FAM227B: variants seen among roughly 807,000 people sequenced by gnomAD.
FAM227B encodes the protein family with sequence similarity 227 member B, also known as protein FAM227B.
In FAM227B, 88 loss-of-function variants were observed where a neutral mutation model predicts 73.8. That is an observed-to-expected ratio of 1.19 (90% CI 1.00 to 1.42). FAM227B has a LOEUF of 1.42. Among genes scored for constraint, FAM227B ranks in the 40% most tolerant of loss-of-function variants. The probability of loss-of-function intolerance (pLI) is 0.00; values close to 1 mark genes in which losing one functional copy is unlikely to be tolerated. For synonymous variants in FAM227B, 210 were observed against 190.5 expected, an observed-to-expected ratio of 1.10 and a Z score of -0.84; for missense variants, 632 against 590.9, an observed-to-expected ratio of 1.07 and a Z score of -0.72.
At chr15:49,354,405 G>A (rs1040541327) in intron 13 of FAM227B, among the ~76,000 whole-genome samples, 24 of 152,168 alleles carry the variant, frequency 1.6e-4, no homozygotes, top group African/African-American at 4.8e-4. Context: ...TGCGTGAGCC[G>A]AAGCAGGGCG....
intron 8 of FAM227B, among the ~76,000 whole-genome samples, chr15:49,572,378 T>C (rs1458418928): frequency 6.6e-6 from 1 of 152,120 alleles, no homozygotes; most frequent in African/African-American, 2.4e-5. Flanking sequence ...TGTAAGAATT[T>C]ACAGCTATAA....
intron 11 of FAM227B, among the ~76,000 whole-genome samples, chr15:49,450,410 C>G (rs1405906014): frequency 1.3e-5 from 2 of 152,002 alleles, no homozygotes; most frequent in African/African-American, 4.8e-5. Flanking sequence ...TTCCCTTATA[C>G]TGACCCTTCA....
At chr15:49,581,864 C>A (rs1278600873) in intron 5 of FAM227B, among the ~76,000 whole-genome samples, 4 of 152,144 alleles carry the variant, frequency 2.6e-5, no homozygotes, top group African/African-American at 4.8e-5. Flanking sequence ...AGTACCCACA[C>A]AATCAAGTCT....
At chr15:49,432,411 G>A (rs1226898399) in intron 11 of FAM227B, among the ~76,000 whole-genome samples, 2 of 151,612 alleles carry the variant, frequency 1.3e-5, no homozygotes, top group Non-Finnish European at 3.0e-5. Context: ...ATTTCTCTGA[G>A]TCTATACTAT....
chr15:49,421,632 T>C (rs951264394), intron 11 of FAM227B, among the ~76,000 whole-genome samples: 3 of 152,232 alleles, frequency 2.0e-5, no homozygotes, highest in Admixed American at 6.5e-5. Context: ...GTTTAAAAAC[T>C]GTAGGTTCAG....
intron 11 of FAM227B, among the ~76,000 whole-genome samples, chr15:49,490,822 A>C (rs910602218): frequency 1.3e-5 from 2 of 152,034 alleles, no homozygotes; most frequent in African/African-American, 2.4e-5. Flanking sequence ...CAACCAGGCT[A>C]GATGAGAGGG....
intron 10 of FAM227B, among the ~76,000 whole-genome samples, chr15:49,527,787 C>T (rs1281537874): frequency 1.3e-5 from 2 of 151,682 alleles, no homozygotes; most frequent in Non-Finnish European, 3.0e-5. Flanking sequence ...CCTAGGAATA[C>T]ATTTAACTAA....
At chr15:49,353,614 GTTTTTTT>G (rs59655647) in intron 13 of FAM227B, 1 of 138,722 alleles carries the variant, frequency 7.2e-6, no homozygotes, top group Non-Finnish European at 1.5e-5. Context: ...GAAAATAAGG[GTTTTTTT>G]TTTTTTTTGT....
chr15:49,416,485 C>T (rs2049221117), intron 11 of FAM227B, among the ~76,000 whole-genome samples: 1 of 152,002 alleles, frequency 6.6e-6, no homozygotes, highest in Non-Finnish European at 1.5e-5. Context: ...TTCTATTCAG[C>T]ATCGTATTTG....
At chr15:49,580,937 TA>T (rs1302815013) in intron 5 of FAM227B, among the ~76,000 whole-genome samples, 1 of 151,736 alleles carries the variant, frequency 6.6e-6, no homozygotes, top group Non-Finnish European at 1.5e-5. Flanking sequence ...CAAAAATAAA[TA>T]AAAAATAATG....
At chr15:49,521,894 A>G (rs1014011965) in intron 10 of FAM227B, among the ~76,000 whole-genome samples, 6 of 152,096 alleles carry the variant, frequency 3.9e-5, no homozygotes, top group Admixed American at 6.6e-5. Flanking sequence ...CAGCACATTC[A>G]ACCATGAACT....
At chr15:49,436,685 G>T (rs117818498) in intron 11 of FAM227B, among the ~76,000 whole-genome samples, 22,919 of 151,442 alleles carry the variant, frequency 0.15, 2,237 homozygotes, top group Non-Finnish European at 0.21. Flanking sequence ...ACAGAATTAA[G>T]TAACTTGCTC....
chr15:49,424,821 C>A, intron 11 of FAM227B: 1 of 308,480 alleles, frequency 3.2e-6, no homozygotes, highest in Non-Finnish European at 6.0e-6. Flanking sequence ...AAAATATATA[C>A]TCCTTGTCCT....
chr15:49,345,254 A>G (rs1002547416), intron 13 of FAM227B, among the ~76,000 whole-genome samples: 1 of 152,206 alleles, frequency 6.6e-6, no homozygotes, highest in African/African-American at 2.4e-5. Context: ...TTAATTTTGA[A>G]CATATGACTT....
chr15:49,431,033 G>A (rs2050569600), intron 11 of FAM227B, among the ~76,000 whole-genome samples: 1 of 151,588 alleles, frequency 6.6e-6, no homozygotes, highest in African/African-American at 2.4e-5. Context: ...ACAATTTTTG[G>A]TAGCACAATA....
intron 9 of FAM227B, among the ~76,000 whole-genome samples, chr15:49,559,657 C>T (rs1370242040): frequency 6.6e-6 from 1 of 152,116 alleles, no homozygotes; most frequent in Non-Finnish European, 1.5e-5. Context: ...ACACTATAGG[C>T]CGGGTGTGGT....
rs549303472 is a variant in FAM227B at position 49,483,682 on chromosome 15, C to T, written c.1012+24529G>A. 2.6e-5 allele frequency among the ~76,000 whole-genome samples: 4 copies of T among 152,134 alleles called. No individual in the cohort carries two copies. The East Asian group carries it at 5.8e-4, about 22-fold the overall frequency. On this transcript the variant is annotated intron_variant, in intron 11 of 15. Coordinates refer to ENST00000299338, the MANE Select transcript of FAM227B (RefSeq NM_152647.3). ...TCAACATCAATCTCACAATCATGGG[C>T]ATTGAAATGTAATTATTCACATTGT...
In FAM227B at chr15:49,536,812, G is replaced by A. The variant is rs1035633642; in HGVS notation, c.874+4868C>T. ...GACAAGGGCACCAAAAGAACACAATGAGGAAAAGATAGTTTTTTCAATAAA... is the reference window on the plus strand; with the variant it reads ...GACAAGGGCACCAAAAGAACACAATAAGGAAAAGATAGTTTTTTCAATAAA... On this transcript the variant is annotated intron_variant, in intron 10 of 15. Coordinates refer to ENST00000299338, the MANE Select transcript of FAM227B (RefSeq NM_152647.3). Among the ~76,000 whole-genome samples the A allele has an allele frequency of 3.9e-5, 6 of 151,938 alleles. No individual in the cohort carries two copies. The East Asian group carries it at 7.7e-4, about 19-fold the overall frequency.
intron 12 of FAM227B, among the ~76,000 whole-genome samples, chr15:49,369,642 A>T (rs1383645394): frequency 6.6e-6 from 1 of 152,188 alleles, no homozygotes; most frequent in Admixed American, 6.5e-5. Flanking sequence ...ACCCAGTGTC[A>T]CTTTCAGGGA....
Sources: allele counts gnomAD v4.1 joint callset (sites outside exome capture counted in the v4.1 genomes callset), GRCh38; gene constraint gnomAD v4.1.1; transcripts MANE v1.5; gene names NCBI Gene and HGNC (gene_info 2026-07-23, HGNC 2026-07-21).